SGIP1: variants seen among roughly 807,000 people sequenced by gnomAD.
SGIP1 encodes SH3-containing GRB2-like protein 3-interacting protein 1.
SGIP1 carries 38 observed loss-of-function variants against 107.5 expected under a neutral mutation model. That is an observed-to-expected ratio of 0.35 (90% CI 0.27 to 0.46). SGIP1 has a LOEUF of 0.46. Ranked by LOEUF, SGIP1 falls within the 20% of genes least tolerant of loss-of-function variation. The pLI is 1.00. For synonymous variants in SGIP1, 365 were observed against 366.1 expected, an observed-to-expected ratio of 1.00 and a Z score of 0.03; for missense variants, 929 against 1,019.5, an observed-to-expected ratio of 0.91 and a Z score of 1.21.
intron 15 of SGIP1, 93 bp from the exon 16 acceptor site, chr1:66,689,047 CAAAAAAAA>C (rs35898963): frequency 1.6e-6 from 2 of 1,214,986 alleles, no homozygotes; most frequent in African/African-American, 1.8e-5. Flanking sequence ...ACTGCCAAGG[CAAAAAAAA>C]AAAAAAAAAT....
Position 66,746,142 on chromosome 1 carries a change from C to T in SGIP1, c.*3047C>T, listed in dbSNP as rs1312024445. The stretch of plus-strand genomic sequence containing the variant: ...GCTATAATTACAAGTATTTCCACTT[C>T]TAAATCTTCTTTTAGAAAAGCAGAT... On this transcript the variant is annotated 3_prime_UTR_variant, in exon 25 of 25. Transcript: ENST00000371037. 1 of 152,136 alleles carries T rather than the reference C, an allele frequency of 6.6e-6. No homozygotes were observed. The highest frequency in any genetic ancestry group is 1.5e-5 in the Non-Finnish European group (1 of 67,992). 9.4% of individuals were successfully genotyped at this position (152,136 alleles called of 1,614,324 possible). A position where few individuals can be genotyped will look rare whatever the true frequency, so the allele number is the denominator to read the frequency against.
chr1:66,533,574 T>C (rs1355273578), upstream of SGIP1: 1 of 151,868 alleles, frequency 6.6e-6, no homozygotes, highest in Non-Finnish European at 1.5e-5. Context: ...TTTTCTCTCT[T>C]GAATGAAGGA....
At chr1:66,740,414 T>A (rs555233892) in intron 22 of SGIP1, among the ~76,000 whole-genome samples, 8 of 152,184 alleles carry the variant, frequency 5.3e-5, no homozygotes, top group South Asian at 2.1e-4. Flanking sequence ...TTAAAAAAAA[T>A]TAATTCTACT....
chr1:66,701,046 C>T (rs188714040), intron 18 of SGIP1, among the ~76,000 whole-genome samples: 3 of 152,268 alleles, frequency 2.0e-5, no homozygotes, highest in Admixed American at 2.0e-4. Context: ...GTCTGACCTT[C>T]TTAAGCAGGT....
Position 66,669,710 on chromosome 1 carries a change from TTAG to T in SGIP1, c.484-1281_484-1279del, listed in dbSNP as rs529767630. ...TGTAGTAATTCTCTATATGACACAC[TTAG>T]TAGGGAAAAACAGATCACATTATTA... On this transcript the variant is annotated intron_variant, in intron 9 of 24. Coordinates refer to ENST00000371037, the MANE Select transcript of SGIP1 (RefSeq NM_032291.4). 1.6e-3 allele frequency among the ~76,000 whole-genome samples: 250 copies of T among 152,236 alleles called. 1 individual carries two copies. The highest frequency in any genetic ancestry group is 5.9e-3 in the African/African-American group (245 of 41,544).
At chr1:66,534,557 T>C (rs529652672) in intron 1 of SGIP1, among the ~76,000 whole-genome samples, 189 bp downstream of exon 1, 175 of 152,320 alleles carry the variant, frequency 1.1e-3, no homozygotes, top group Non-Finnish European at 1.9e-3. Context: ...ACAGGGCTGC[T>C]GCCTAGCTCA....
chr1:66,640,806 TGAA>T (rs1486672131), intron 5 of SGIP1, among the ~76,000 whole-genome samples: 4 of 142,278 alleles, frequency 2.8e-5, no homozygotes, highest in Admixed American at 7.0e-5. Context: ...CTCTGAGAAC[TGAA>T]GAAGGAGGAA....
At chr1:66,709,981 TATAAG>T (rs2092801684) in intron 18 of SGIP1, among the ~76,000 whole-genome samples, 1 of 151,746 alleles carries the variant, frequency 6.6e-6, no homozygotes, top group South Asian at 2.1e-4. Context: ...TTTACACACA[TATAAG>T]ATATATTTTA....
At chr1:66,554,961 T>C (rs929434335) in intron 1 of SGIP1, among the ~76,000 whole-genome samples, 3 of 152,166 alleles carry the variant, frequency 2.0e-5, no homozygotes, top group African/African-American at 7.2e-5. Context: ...GCCAGGTTAA[T>C]GCTTAAATCA....
intron 1 of SGIP1, among the ~76,000 whole-genome samples, chr1:66,569,702 A>C (rs1330381148): frequency 6.6e-6 from 1 of 151,744 alleles, no homozygotes. Context: ...ATTGGTCTGT[A>C]GTTTTCTTTT....
chr1:66,703,357 A>T (rs1287754035), intron 18 of SGIP1, among the ~76,000 whole-genome samples: 1 of 152,072 alleles, frequency 6.6e-6, no homozygotes, highest in Non-Finnish European at 1.5e-5. Context: ...ACCTACATAG[A>T]CTCTACCCTG....
At chr1:66,567,642 A>G (rs2059829035) in intron 1 of SGIP1, among the ~76,000 whole-genome samples, 1 of 152,040 alleles carries the variant, frequency 6.6e-6, no homozygotes, top group Non-Finnish European at 1.5e-5. Flanking sequence ...TTTAGGTTTT[A>G]CATTTAAGTT....
chr1:66,672,076 A>G, intron 11 of SGIP1, 81 bp downstream of exon 11: 1 of 1,303,050 alleles, frequency 7.7e-7, no homozygotes, highest in Non-Finnish European at 1.1e-6. Context: ...TTTGAGCTAA[A>G]CTCTCAGCTC....
intron 16 of SGIP1, 114 bp downstream of exon 16, chr1:66,689,389 G>A: frequency 7.4e-7 from 1 of 1,354,520 alleles, no homozygotes; most frequent in Non-Finnish European, 1.0e-6. Context: ...CCTGACAGGT[G>A]GCATCTGAAA....
Position 66,548,487 on chromosome 1 carries a change from T to C in SGIP1, c.10+14119T>C, listed in dbSNP as rs7516148. 4.8e-3 allele frequency among the ~76,000 whole-genome samples: 724 copies of C among 152,024 alleles called. 3 individuals are homozygous for C. The highest frequency in any genetic ancestry group is 8.7e-3 in the East Asian group (45 of 5,158). On this transcript the variant is annotated intron_variant, in intron 1 of 24. Coordinates refer to ENST00000371037, the MANE Select transcript of SGIP1 (RefSeq NM_032291.4). ...CTGGCATTAGGCTTTTTCAGAGACA[T>C]GCTGACAGCTGAAAAAAATGAAGAT...
chr1:66,622,862 CA>C lies in SGIP1; in HGVS notation c.11-2978del, dbSNP rs936022671. 2.6e-5 allele frequency among the ~76,000 whole-genome samples: 4 copies of C among 152,120 alleles called. No homozygotes were observed. In the East Asian group the frequency reaches 7.7e-4, roughly 29 times the overall value. On this transcript the variant is annotated intron_variant, in intron 1 of 24. Transcript: ENST00000371037. The stretch of plus-strand genomic sequence containing the variant: ...CCCATTTTTGGTAAAAAATAGTTGA[CA>C]AAAAAATTTGTGCTCCACCCTAGAT...
intron 1 of SGIP1, among the ~76,000 whole-genome samples, chr1:66,560,812 A>T (rs2058825831): frequency 6.6e-6 from 1 of 152,232 alleles, no homozygotes; most frequent in African/African-American, 2.4e-5. Context: ...GTGTGACCTT[A>T]GGCAAGTTCT....
chr1:66,613,902 G>C (rs867835125), intron 1 of SGIP1, among the ~76,000 whole-genome samples: 1 of 152,146 alleles, frequency 6.6e-6, no homozygotes, highest in Non-Finnish European at 1.5e-5. Flanking sequence ...TGCTCAACAG[G>C]TTCCTTTTCT....
intron 18 of SGIP1, among the ~76,000 whole-genome samples, chr1:66,711,743 G>T (rs1000410738): frequency 4.6e-5 from 7 of 152,066 alleles, no homozygotes; most frequent in Non-Finnish European, 1.0e-4. Flanking sequence ...TGCAAAATGG[G>T]GACAGTCTTT....
Sources: allele counts gnomAD v4.1 joint callset (sites outside exome capture counted in the v4.1 genomes callset), GRCh38; gene constraint gnomAD v4.1.1; transcripts MANE v1.5; gene names NCBI Gene and HGNC (gene_info 2026-07-23, HGNC 2026-07-21).